The following RBMS1 variants were observed in gnomAD, a reference collection of about 807,000 sequenced individuals.
The protein encoded by RBMS1 is RNA binding motif single stranded interacting protein 1, also known as RNA-binding motif, single-stranded-interacting protein 1.
A neutral mutation model predicts 62.3 loss-of-function variants in RBMS1; 17 were observed. That is an observed-to-expected ratio of 0.27 (90% confidence interval 0.19 to 0.41). RBMS1 has a LOEUF of 0.41. Ranked by LOEUF, RBMS1 falls within the 10% of genes least tolerant of loss-of-function variation. The pLI is 1.00. For synonymous variants in RBMS1, 172 were observed against 170.0 expected (o/e 1.01, Z -0.09); for missense variants, 334 against 504.5 (o/e 0.66, Z 3.24).
intron 2 of RBMS1, among the ~76,000 whole-genome samples, chr2:160,366,113 A>C (rs1385298407): frequency 6.6e-6 from 1 of 152,220 alleles, no homozygotes; most frequent in Admixed American, 6.5e-5. Context: ...GATCCTGAAG[A>C]GCAACCACCT....
intron 12 of RBMS1, among the ~76,000 whole-genome samples, chr2:160,276,990 G>GCCTCATACTCCTCATACT (rs2105927902): frequency 6.6e-6 from 1 of 152,234 alleles, no homozygotes; most frequent in South Asian, 2.1e-4. Context: ...GGTTCTTCCT[G>GCCTCATACTCCTCATACT]CCTCATACTC....
Position 160,278,528 on chromosome 2 carries a change from G to A in RBMS1, c.1062+20C>T. 1.3e-6 allele frequency: 2 copies of A among 1,579,966 alleles called. No individual in the cohort carries two copies. The highest frequency in any genetic ancestry group is 2.7e-5 in the African/African-American group (2 of 74,298). On this transcript the variant is annotated intron_variant, in intron 11 of 13. Transcript: ENST00000348849. ...CCCTCCTCTGTTTACAGAGACACATGATAATTATTTGCCACCTACTGTTCC... is the reference window on the plus strand; with the variant it reads ...CCCTCCTCTGTTTACAGAGACACATAATAATTATTTGCCACCTACTGTTCC...
At chr2:160,479,367 C>T (rs1398044503) in intron 1 of RBMS1, among the ~76,000 whole-genome samples, 5 of 152,250 alleles carry the variant, frequency 3.3e-5, no homozygotes, top group Non-Finnish European at 5.9e-5. Context: ...CTGGATGCTG[C>T]TGTTCTGCCA....
intron 9 of RBMS1, chr2:160,283,576 G>A (rs762036140): frequency 4.6e-5 from 7 of 152,242 alleles, no homozygotes; most frequent in African/African-American, 1.4e-4. Flanking sequence ...CAGTTTTAGC[G>A]TATCTAATCA....
chr2:160,350,676 CAGGT>C (rs1217623092), intron 2 of RBMS1, among the ~76,000 whole-genome samples: 1 of 152,080 alleles, frequency 6.6e-6, no homozygotes. Context: ...ATCAGGAACT[CAGGT>C]AGAGAATGAA....
intron 1 of RBMS1, among the ~76,000 whole-genome samples, chr2:160,463,334 T>C (rs963594787): frequency 2.0e-5 from 3 of 152,202 alleles, no homozygotes; most frequent in Admixed American, 6.5e-5. Flanking sequence ...TACTTTCATT[T>C]TATAACATGC....
At chr2:160,289,759 G>T (rs1688585693) in intron 6 of RBMS1, among the ~76,000 whole-genome samples, 1 of 152,032 alleles carries the variant, frequency 6.6e-6, no homozygotes, top group Admixed American at 6.6e-5. Flanking sequence ...TTTTGATGCA[G>T]AAACAGCTGT....
chr2:160,461,840 T>C (rs1255046594), intron 1 of RBMS1, among the ~76,000 whole-genome samples: 2 of 152,254 alleles, frequency 1.3e-5, no homozygotes, highest in Non-Finnish European at 2.9e-5. Flanking sequence ...TTCGTTGCCC[T>C]TGGACTTGCT....
chr2:160,390,050 A>G, intron 1 of RBMS1, among the ~76,000 whole-genome samples: 1 of 152,244 alleles, frequency 6.6e-6, no homozygotes, highest in South Asian at 2.1e-4. Context: ...GGGCAAGAAT[A>G]TTACAAGAAC....
chr2:160,311,232 CTA>C (rs10530445), intron 4 of RBMS1, among the ~76,000 whole-genome samples: 1,474 of 79,254 alleles, frequency 0.019, 52 homozygotes, highest in East Asian at 0.089. Flanking sequence ...ATCTATCTAT[CTA>C]TATATATATA....
At chr2:160,281,823 AC>A (rs1262938550) in intron 9 of RBMS1, 1 of 171,358 alleles carries the variant, frequency 5.8e-6, no homozygotes, top group Admixed American at 5.8e-5. Flanking sequence ...AATACAAAAA[AC>A]CAAATTCAAT....
At chr2:160,454,664 G>A (rs553386192) in intron 1 of RBMS1, among the ~76,000 whole-genome samples, 1 of 152,332 alleles carries the variant, frequency 6.6e-6, no homozygotes, top group African/African-American at 2.4e-5. Context: ...CAGTGAAGAA[G>A]AGGAGTGGCG....
chr2:160,337,659 C>T (rs769108334), intron 2 of RBMS1, among the ~76,000 whole-genome samples: 3 of 151,994 alleles, frequency 2.0e-5, no homozygotes, highest in South Asian at 2.1e-4. Context: ...AAGAAAAAAA[C>T]TGGGGGGGAG....
At chr2:160,296,553 C>T (rs531489357) in intron 6 of RBMS1, among the ~76,000 whole-genome samples, 6 of 152,316 alleles carry the variant, frequency 3.9e-5, no homozygotes, top group South Asian at 4.1e-4. Flanking sequence ...ACTAGTTATA[C>T]GTGCACAGCC....
intron 1 of RBMS1, 140 bp downstream of exon 1, chr2:160,493,149 A>C: frequency 6.1e-5 from 46 of 748,340 alleles, no homozygotes; most frequent in Non-Finnish European, 6.4e-5. Context: ...TGCCCAGGCC[A>C]GCGCTATAGT....
chr2:160,384,443 T>C (rs1245491130), intron 1 of RBMS1, among the ~76,000 whole-genome samples: 1 of 152,218 alleles, frequency 6.6e-6, no homozygotes, highest in Non-Finnish European at 1.5e-5. Context: ...TCTTTAGTGA[T>C]AACTATTATC....
chr2:160,297,312 C>A (rs1421183209), intron 6 of RBMS1, among the ~76,000 whole-genome samples: 2 of 152,126 alleles, frequency 1.3e-5, no homozygotes, highest in Admixed American at 6.5e-5. Context: ...TTGAAACTTT[C>A]TCCTTTCTGG....
In RBMS1 at chr2:160,311,251, T is replaced by TATAG. The variant is rs1559361738; in HGVS notation, c.402+1904_402+1905insCTAT. Among the ~76,000 whole-genome samples the TATAG allele has an allele frequency of 3.5e-5, 5 of 142,260 alleles. No individual in the cohort carries two copies. The East Asian group carries it at 8.0e-4, about 23-fold the overall frequency. 93.3% of individuals were successfully genotyped at this position (142,260 alleles called of 152,430 possible). On this transcript the variant is annotated intron_variant, in intron 4 of 13. Transcript: ENST00000348849. ...ATCTATCTATATATATATATATATA[T>TATAG]ATATATAGTCTGTTTATTTTAACTT...
intron 1 of RBMS1, among the ~76,000 whole-genome samples, chr2:160,404,864 G>GT (rs1266256910): frequency 1.3e-5 from 2 of 152,222 alleles, no homozygotes; most frequent in Admixed American, 6.5e-5. Context: ...GATTAGAAGG[G>GT]TGATGGGCTA....
Sources: gnomAD v4.1 joint callset for allele counts (sites outside exome capture counted in the v4.1 genomes callset) on GRCh38, gnomAD v4.1.1 for gene constraint, MANE v1.5 for transcripts, NCBI Gene and HGNC (gene_info 2026-07-23, HGNC 2026-07-21) for gene names.